Variants in DENND1A observed in about 807,000 individuals in gnomAD.
DENND1A encodes the protein DENN domain containing 1A.
A neutral mutation model predicts 113.7 loss-of-function variants in DENND1A; 51 were observed. The ratio of observed to expected loss-of-function variants is 0.45; its 90% CI spans 0.36 to 0.57. The LOEUF (loss-of-function observed/expected upper bound fraction) is 0.57, where lower values mean the gene tolerates loss of function less well. DENND1A is among the 20% of genes least tolerant of loss of function. The pLI is 0.00. For synonymous variants in DENND1A, 565 were observed against 570.8 expected (o/e 0.99, Z 0.14); for missense variants, 1,258 against 1,395.9 (o/e 0.90, Z 1.57).
rs570481562 is a variant in DENND1A at position 123,778,668 on chromosome 9, G to A, written c.133-9105C>T. Among the ~76,000 whole-genome samples the A allele has an allele frequency of 6.6e-5, 10 of 152,176 alleles. 1 individual carries two copies. The South Asian group carries it at 2.1e-3, about 32-fold the overall frequency. ...TTGTTTTTTTAACAATCCTTAACAA[G>A]GGTAAAAAACCTTCTTACCTCATAG... On this transcript the variant is annotated intron_variant, in intron 3 of 23. Coordinates refer to ENST00000394215, the MANE Select transcript of DENND1A (RefSeq NM_001352964.2).
At position 123,554,145 on chromosome 9, in the gene DENND1A, T is replaced by C. The variant is rs925022191; in HGVS notation, c.993+3425A>G. On this transcript the variant is annotated intron_variant, in intron 13 of 23. Transcript: ENST00000394215. ...CCTGGCAGGCTCACTCAAGGCACCA[T>C]CCTCCCCCCGATGCAGCCAACGCCT... Among the ~76,000 whole-genome samples, 6 of 152,316 alleles carry C rather than the reference T, an allele frequency of 3.9e-5. No homozygotes were observed. In the East Asian group the frequency reaches 1.2e-3, roughly 29 times the overall value.
At chr9:123,606,097 T>C (rs2137569184) in intron 11 of DENND1A, among the ~76,000 whole-genome samples, 1 of 151,980 alleles carries the variant, frequency 6.6e-6, no homozygotes, top group South Asian at 2.1e-4. Flanking sequence ...GCAGAAGGAG[T>C]ATCCCTTTCA....
At chr9:123,702,374 G>A (rs1177968035) in intron 5 of DENND1A, among the ~76,000 whole-genome samples, 1 of 152,048 alleles carries the variant, frequency 6.6e-6, no homozygotes, top group Non-Finnish European at 1.5e-5. Flanking sequence ...AAGATAAAGA[G>A]GTAGGAAAGC....
chr9:123,820,563 T>C (rs1590223675), intron 2 of DENND1A, among the ~76,000 whole-genome samples: 1 of 152,156 alleles, frequency 6.6e-6, no homozygotes, highest in African/African-American at 2.4e-5. Flanking sequence ...TTACATCTCA[T>C]GGAGCAGAAC....
chr9:123,525,790 G>A (rs954596812), intron 13 of DENND1A, among the ~76,000 whole-genome samples: 4 of 129,594 alleles, frequency 3.1e-5, no homozygotes, highest in African/African-American at 5.9e-5. Flanking sequence ...ACAGGGTCTC[G>A]CTCTGTGACG....
intron 5 of DENND1A, among the ~76,000 whole-genome samples, chr9:123,735,759 G>A (rs367831211): frequency 1.8e-4 from 28 of 152,322 alleles, no homozygotes; most frequent in African/African-American, 6.0e-4. Context: ...AGCACTTTGG[G>A]AGGCCAAGAT....
rs2067358074 is a variant in DENND1A at position 123,721,770 on chromosome 9, C to A, written c.302+35933G>T. On this transcript the variant is annotated intron_variant, in intron 5 of 23. Coordinates refer to ENST00000394215, the MANE Select transcript of DENND1A (RefSeq NM_001352964.2). ...ATGACTTACTCCTTCTTGCCTTCCA[C>A]CATGATTGTGAGGCCTCCCCAGCCA... 2.6e-5 allele frequency among the ~76,000 whole-genome samples: 4 copies of A among 152,216 alleles called. No homozygotes were observed. The South Asian group carries it at 6.2e-4, about 24-fold the overall frequency.
In DENND1A at chr9:123,667,028, T is replaced by C; in HGVS notation, c.505A>G (p.Asn169Asp). ...DTRELPSIPE[N>D]RNLTEYFVAV... is the part of the protein sequence containing the mutation. ...TTTTCTTCTTCCCAAGTACTTACAT[T>C]CTCAGGTATGCTGGGAAGTTCTCTG... Residue 169 changes from asparagine to aspartate, a missense_variant and splice_region_variant, in exon 8 of 24, where the codon AAT becomes GAT. Physicochemically the swap from Asn to Asp is conservative, Grantham distance 23 (BLOSUM62 1). Around this residue, in one of 2 missense-constraint regions of DENND1A, gnomAD observed 1,159 missense variants for 1,231.7 expected, o/e 0.94. Coordinates refer to ENST00000394215, the MANE Select transcript of DENND1A (RefSeq NM_001352964.2). The C allele has an allele frequency of 6.3e-7, 1 of 1,590,492 alleles. No homozygotes were observed. Among genetic ancestry groups the C allele is most frequent in the Non-Finnish European group, 8.5e-7 (1 of 1,172,858 alleles).
chr9:123,632,950 C>T (rs2061544751), intron 9 of DENND1A, among the ~76,000 whole-genome samples: 1 of 152,006 alleles, frequency 6.6e-6, no homozygotes, highest in South Asian at 2.1e-4. Flanking sequence ...CTCTGTCACC[C>T]AGGCTGGAGT....
At chr9:123,594,496 T>G (rs1277109974) in intron 11 of DENND1A, among the ~76,000 whole-genome samples, 1 of 152,002 alleles carries the variant, frequency 6.6e-6, no homozygotes, top group Non-Finnish European at 1.5e-5. Context: ...ATGGCATTAT[T>G]TGCTCTGACA....
chr9:123,928,785 C>G, intron 1 of DENND1A: 3 of 985,446 alleles, frequency 3.0e-6, no homozygotes, highest in Non-Finnish European at 3.6e-6. Flanking sequence ...CCTTAAGGCC[C>G]TTCTCCTTTC....
intron 13 of DENND1A, among the ~76,000 whole-genome samples, chr9:123,535,004 C>G (rs2055624585): frequency 6.6e-6 from 1 of 152,084 alleles, no homozygotes; most frequent in African/African-American, 2.4e-5. Flanking sequence ...AGACCAAGAA[C>G]CCAGAAGACA....
intron 1 of DENND1A, among the ~76,000 whole-genome samples, chr9:123,923,533 A>C (rs1856628706): frequency 6.6e-6 from 1 of 152,222 alleles, no homozygotes; most frequent in Non-Finnish European, 1.5e-5. Context: ...TGTGCTATAC[A>C]ACAGGCCTCA....
chr9:123,919,704 A>G (rs1057325433), intron 1 of DENND1A, among the ~76,000 whole-genome samples: 15 of 151,006 alleles, frequency 9.9e-5, no homozygotes, highest in African/African-American at 3.7e-4. Context: ...CAAAATGGTG[A>G]AATCTCATCT....
chr9:123,739,992 G>A (rs1163264752), intron 5 of DENND1A, among the ~76,000 whole-genome samples: 3 of 151,328 alleles, frequency 2.0e-5, no homozygotes, highest in Non-Finnish European at 2.9e-5. Context: ...GTCACATAAT[G>A]TACACAGAGG....
chr9:123,607,655 A>T (rs192438770), intron 11 of DENND1A, among the ~76,000 whole-genome samples: 1 of 149,550 alleles, frequency 6.7e-6, no homozygotes, highest in African/African-American at 2.5e-5. Flanking sequence ...CTGGCACTTT[A>T]AACTTTGGAC....
chr9:123,714,329 C>T (rs1463316988), intron 5 of DENND1A, among the ~76,000 whole-genome samples: 1 of 152,178 alleles, frequency 6.6e-6, no homozygotes, highest in African/African-American at 2.4e-5. Flanking sequence ...TGGCCGGGTG[C>T]AATGGCTCAC....
chr9:123,741,103 T>C (rs1049868787), intron 5 of DENND1A, among the ~76,000 whole-genome samples: 1 of 152,206 alleles, frequency 6.6e-6, no homozygotes, highest in African/African-American at 2.4e-5. Flanking sequence ...TATAATTTCT[T>C]CTTTCAAAGT....
chr9:123,562,906 C>T (rs2057841606), intron 12 of DENND1A, among the ~76,000 whole-genome samples: 1 of 152,146 alleles, frequency 6.6e-6, no homozygotes, highest in Non-Finnish European at 1.5e-5. Context: ...CAGCAGCCAG[C>T]ACAGTTCTTG....
Sources: gnomAD v4.1 joint callset for allele counts (sites outside exome capture counted in the v4.1 genomes callset) on GRCh38, gnomAD v4.1.1 for gene constraint, gnomAD v4.1.1 regional missense constraint, MANE v1.5 for transcripts, NCBI Gene and HGNC (gene_info 2026-07-23, HGNC 2026-07-21) for gene names.